GLIS3: variants seen among roughly 807,000 people sequenced by gnomAD.
The protein encoded by GLIS3 is GLIS family zinc finger 3.
A neutral mutation model predicts 78.6 loss-of-function variants in GLIS3; 53 were observed. That is an observed-to-expected ratio of 0.67 (90% CI 0.54 to 0.85). GLIS3 has a LOEUF of 0.85. Ranked by LOEUF, GLIS3 falls within the 40% of genes least tolerant of loss-of-function variation. GLIS3 has a pLI of 0.00. For synonymous variants in GLIS3, 684 were observed against 509.9 expected (o/e 1.34, Z -4.60); for missense variants, 1,703 against 1,231.1 (o/e 1.38, Z -5.74).
intron 2 of GLIS3, among the ~76,000 whole-genome samples, chr9:4,340,930 G>A (rs1160688536): frequency 3.9e-5 from 6 of 152,236 alleles, no homozygotes; most frequent in South Asian, 2.1e-4. Context: ...ACCTGCCTCG[G>A]CCTCCCAAAG....
intron 2 of GLIS3, among the ~76,000 whole-genome samples, chr9:4,214,616 T>A (rs977161215): frequency 6.6e-6 from 1 of 152,210 alleles, no homozygotes; most frequent in East Asian, 1.9e-4. Context: ...AGTGTGTCAC[T>A]TTTTTTCTTC....
chr9:3,977,950 G>A lies in GLIS3; in HGVS notation c.1711-40761C>T, dbSNP rs564188469. Among the ~76,000 whole-genome samples the A allele has an allele frequency of 2.6e-5, 4 of 152,282 alleles. No homozygotes were observed. The highest frequency in any genetic ancestry group is 4.1e-4 in the South Asian group (2 of 4,824). On this transcript the variant is annotated intron_variant, in intron 4 of 10. Coordinates refer to ENST00000381971, the MANE Select transcript of GLIS3 (RefSeq NM_001042413.2). The surrounding 1 kb of genome is among the most constrained non-coding windows in gnomAD (Gnocchi z 4.1). ...TGAAATGGTAATATTTCATGACAGC[G>A]AAAGGCCAGTTGACACCGCTGGGTG...
In GLIS3 at chr9:4,159,030, G is replaced by GAAAAAAAAAAAAAAAAAAAAAAA. The variant is rs141412126; in HGVS notation, c.389-33090_389-33089insTTTTTTTTTTTTTTTTTTTTTTT. On this transcript the variant is annotated intron_variant, in intron 2 of 10. Coordinates refer to ENST00000381971, the MANE Select transcript of GLIS3 (RefSeq NM_001042413.2). Reference sequence around the variant, plus strand: ...GCTTGGTATGCTAGAGAAAGGAGAAGAAGAAAAAAAAAAAAAAAAGCCAGG... The same window carrying GAAAAAAAAAAAAAAAAAAAAAAA: ...GCTTGGTATGCTAGAGAAAGGAGAAGAAAAAAAAAAAAAAAAAAAAAAAAAGAAAAAAAAAAAAAAAAGCCAGG... 3.8e-5 allele frequency among the ~76,000 whole-genome samples: 3 copies of GAAAAAAAAAAAAAAAAAAAAAAA among 79,100 alleles called. 1 individual carries two copies. The highest frequency in any genetic ancestry group is 2.5e-5 in the Non-Finnish European group (1 of 40,648). 51.9% of individuals were successfully genotyped at this position (79,100 alleles called of 152,430 possible). A position where few individuals can be genotyped will look rare whatever the true frequency, so the allele number is the denominator to read the frequency against.
intron 4 of GLIS3, among the ~76,000 whole-genome samples, chr9:4,003,265 C>G (rs1016768781): frequency 6.6e-6 from 1 of 152,068 alleles, no homozygotes; most frequent in Admixed American, 6.6e-5. Flanking sequence ...CATTATACCA[C>G]AAGAAACTGG....
At chr9:4,225,122 G>A (rs1406068015) in intron 2 of GLIS3, among the ~76,000 whole-genome samples, 2 of 151,488 alleles carry the variant, frequency 1.3e-5, no homozygotes, top group Non-Finnish European at 2.9e-5. Flanking sequence ...AGGAAAATGA[G>A]CCTCAGAGAC....
intron 2 of GLIS3, chr9:4,152,159 C>T: frequency 1.0e-6 from 1 of 978,912 alleles, no homozygotes; most frequent in Non-Finnish European, 1.2e-6. Flanking sequence ...TCTGCTTCCT[C>T]CAACACCCTT....
chr9:4,209,649 A>G (rs1820211665), intron 2 of GLIS3, among the ~76,000 whole-genome samples: 1 of 152,166 alleles, frequency 6.6e-6, no homozygotes, highest in Admixed American at 6.5e-5. Flanking sequence ...TCACTGCTAG[A>G]GCCTTCATAG....
At chr9:4,064,896 A>T (rs992183757) in intron 4 of GLIS3, among the ~76,000 whole-genome samples, 3 of 152,234 alleles carry the variant, frequency 2.0e-5, no homozygotes, top group African/African-American at 7.2e-5. Flanking sequence ...GTCCTGATCC[A>T]GATGGGTCCT....
chr9:3,933,838 G>T (rs1825750174), intron 5 of GLIS3, among the ~76,000 whole-genome samples: 1 of 152,128 alleles, frequency 6.6e-6, no homozygotes. Context: ...CATATTTATG[G>T]TTCACTCCTT....
chr9:3,838,018 TG>T (rs892322672), intron 9 of GLIS3, among the ~76,000 whole-genome samples: 9 of 150,982 alleles, frequency 6.0e-5, no homozygotes, highest in East Asian at 3.9e-4. Context: ...GGAGGGTGTG[TG>T]GGAACTCCCT....
chr9:4,361,222 G>C, the GLIS3 span, among the ~76,000 whole-genome samples: 2 of 152,160 alleles, frequency 1.3e-5, no homozygotes, highest in Non-Finnish European at 1.5e-5. Context: ...TCTCTAGGCA[G>C]TCTTAATGTA....
At chr9:4,415,018 T>G in the GLIS3 span, among the ~76,000 whole-genome samples, 1 of 152,222 alleles carries the variant, frequency 6.6e-6, no homozygotes, top group Non-Finnish European at 1.5e-5. Flanking sequence ...TTTTTCCTAT[T>G]CCAATAGTTC....
intron 4 of GLIS3, among the ~76,000 whole-genome samples, chr9:4,011,418 C>T (rs1206542633): frequency 6.6e-6 from 1 of 152,174 alleles, no homozygotes; most frequent in Non-Finnish European, 1.5e-5. Flanking sequence ...TGTTTTGTTA[C>T]GAGGCACTCG....
chr9:4,409,488 G>A, the GLIS3 span, among the ~76,000 whole-genome samples: 2 of 152,094 alleles, frequency 1.3e-5, no homozygotes, highest in Non-Finnish European at 2.9e-5. Flanking sequence ...ATTTGCCCTT[G>A]TCATAATTAC....
At chr9:4,270,189 C>T (rs935841675) in intron 2 of GLIS3, among the ~76,000 whole-genome samples, 1 of 152,208 alleles carries the variant, frequency 6.6e-6, no homozygotes, top group Admixed American at 6.5e-5. Flanking sequence ...ACTCTTAGAG[C>T]CTATCACCAT....
chr9:4,096,959 C>T (rs1165196208), intron 4 of GLIS3, among the ~76,000 whole-genome samples: 1 of 152,192 alleles, frequency 6.6e-6, no homozygotes, highest in Non-Finnish European at 1.5e-5. Context: ...TGGCAGTGAG[C>T]CGAGATCGTG....
At chr9:4,444,682 C>T in the GLIS3 span, among the ~76,000 whole-genome samples, 2 of 152,340 alleles carry the variant, frequency 1.3e-5, no homozygotes, top group South Asian at 2.1e-4. Flanking sequence ...TAGATGAACA[C>T]ATATGAAGAG....
At chr9:4,424,278 T>C in the GLIS3 span, among the ~76,000 whole-genome samples, 1 of 152,196 alleles carries the variant, frequency 6.6e-6, no homozygotes, top group Non-Finnish European at 1.5e-5. Context: ...CTGTTTTCAC[T>C]GTGTATTTTT....
At chr9:4,367,329 T>C in the GLIS3 span, among the ~76,000 whole-genome samples, 1 of 151,362 alleles carries the variant, frequency 6.6e-6, no homozygotes, top group African/African-American at 2.4e-5. Context: ...GTGACTTCCC[T>C]TCCCCACTTT....
Sources: allele counts gnomAD v4.1 joint callset (sites outside exome capture counted in the v4.1 genomes callset), GRCh38; gene constraint gnomAD v4.1.1; non-coding constraint Gnocchi (gnomAD v3.1); transcripts MANE v1.5; gene names NCBI Gene and HGNC (gene_info 2026-07-23, HGNC 2026-07-21).